Variants in SPAG4 observed in about 807,000 individuals in gnomAD.
The protein encoded by SPAG4 is sperm-associated antigen 4 protein.
In SPAG4, 54 loss-of-function variants were observed where a neutral mutation model predicts 53.9. The observed-to-expected ratio is 1.00, with a 90% CI of 0.80 to 1.26. The LOEUF is 1.26. Ranked by LOEUF, SPAG4 falls within the 50% of genes most tolerant of loss-of-function variation. The probability of loss-of-function intolerance (pLI) is 0.00; values close to 1 mark genes in which losing one functional copy is unlikely to be tolerated. For missense variants in SPAG4, 548 were observed against 568.6 expected, an observed-to-expected ratio of 0.96 and a Z score of 0.37; for synonymous variants, 246 against 237.4, an observed-to-expected ratio of 1.04 and a Z score of -0.33.
At position 35,618,564 on chromosome 20, in the gene SPAG4, C is replaced by CCAGGGGGA. The variant is rs781551453; in HGVS notation, c.609-42_609-35dup. 4 of 1,599,146 alleles carry CCAGGGGGA rather than the reference C, an allele frequency of 2.5e-6. No homozygotes were observed. The South Asian group carries it at 4.5e-5, about 18-fold the overall frequency. On this transcript the variant is annotated intron_variant, in intron 6 of 11. Transcript: ENST00000374273. Reference sequence around the variant, plus strand: ...AGGCGTGGGGGCCTTTGGGAGGTGTCCAGGGGGACAGGGAGCCAACCCCAC... The same window carrying CCAGGGGGA: ...AGGCGTGGGGGCCTTTGGGAGGTGTCCAGGGGGACAGGGGGACAGGGAGCCAACCCCAC...
intron 9 of SPAG4, 33 bp from the exon 10 acceptor site, chr20:35,619,546 G>C (rs752729873): frequency 6.2e-6 from 10 of 1,603,282 alleles, no homozygotes; most frequent in South Asian, 5.5e-5. Flanking sequence ...CGCTCTGTCC[G>C]ACGGTTCCGA....
chr20:35,618,573 C>T, intron 6 of SPAG4, 39 bp from the exon 7 acceptor site: 1 of 1,595,740 alleles, frequency 6.3e-7, no homozygotes. Flanking sequence ...TCCAGGGGGA[C>T]AGGGAGCCAA....
Position 35,618,977 on chromosome 20 carries a change from G to C in SPAG4, c.772G>C (p.Asp258His), listed in dbSNP as rs753644797. ...GAATGAGGATTTTGTGCGGAAGCCCGACTATGCTTTGAGCTCTGTGGGTAA... is the reference window on the plus strand; with the variant it reads ...GAATGAGGATTTTGTGCGGAAGCCCCACTATGCTTTGAGCTCTGTGGGTAA... Reference protein sequence around the residue: ...RLNEDFVRKPDYALSSVGASI... With the variant: ...RLNEDFVRKPHYALSSVGASI... Residue 258 changes from aspartate (D) to histidine (H), a missense_variant, in exon 8 of 12, where the codon GAC becomes CAC. Physicochemically the swap from Asp to His is moderately conservative, Grantham distance 81. Transcript: ENST00000374273. The C allele has an allele frequency of 3.7e-6, 6 of 1,613,968 alleles. No individual in the cohort carries two copies. In the East Asian group the frequency reaches 1.1e-4, roughly 30 times the overall value.
Position 35,616,184 on chromosome 20 carries a change from G to A in SPAG4, c.181G>A (p.Ala61Thr). 2 of 1,591,980 alleles carry A rather than the reference G, an allele frequency of 1.3e-6. No individual in the cohort carries two copies. Among genetic ancestry groups the A allele is most frequent in the Non-Finnish European group, 1.7e-6 (2 of 1,170,692 alleles). Residue 61 changes from alanine to threonine, a missense_variant, in exon 1 of 12, where the codon GCC (alanine) becomes ACC (threonine). Coordinates refer to ENST00000374273, the MANE Select transcript of SPAG4 (RefSeq NM_003116.3). ...CCGGGGCCCGAGCTGCGGTGAGCCC[G>A]CCTTGAGCGCGGGAGTGCCCGGAGG... ...RARGPSCGEP[A>T]LSAGVPGGTT...
At chr20:35,620,096 G>A (rs1001619666) in intron 10 of SPAG4, among the ~76,000 whole-genome samples, 5 of 151,972 alleles carry the variant, frequency 3.3e-5, no homozygotes, top group South Asian at 2.1e-4. Context: ...TCATCCTCCC[G>A]AGTAGCTGGA....
rs1389079234 is a variant in SPAG4, at chr20:35,620,922, GC to G, written c.1215del (p.Ser405ArgfsTer46). On this transcript the variant is annotated frameshift_variant, in exon 12 of 12. Coordinates refer to ENST00000374273, the MANE Select transcript of SPAG4 (RefSeq NM_003116.3). LOFTEE classifies it high-confidence loss of function. ...CCCAAGGTGAAGATCCAGATTCTAA[GC>G]AACTGGGGCCACCCCCGTTTCACGT... ...AFPKVKIQIL[S>X]NWGHPRFTCL... The G allele has an allele frequency of 6.2e-7, 1 of 1,614,092 alleles. No homozygotes were observed. Among genetic ancestry groups the G allele is most frequent in the African/African-American group, 1.3e-5 (1 of 74,924 alleles).
chr20:35,619,049 A>G, intron 8 of SPAG4, 51 bp downstream of exon 8: 1 of 1,536,418 alleles, frequency 6.5e-7, no homozygotes, highest in East Asian at 2.2e-5. Context: ...AAAGAGGCCA[A>G]GACACTGACA....
At chr20:35,618,409 G>C (rs1486927206) in intron 5 of SPAG4, 41 bp from the exon 6 acceptor site, 1 of 1,613,354 alleles carries the variant, frequency 6.2e-7, no homozygotes, top group South Asian at 1.1e-5. Context: ...CAAGGACGAC[G>C]GGAGCTGAGC....
At chr20:35,617,862 G>A in intron 4 of SPAG4, 22 bp downstream of exon 4, 1 of 1,612,160 alleles carries the variant, frequency 6.2e-7, no homozygotes, top group Non-Finnish European at 8.5e-7. Context: ...TGAATTCCCT[G>A]GAGCCCCTGC....
chr20:35,619,053 A>G (rs2031483853), intron 8 of SPAG4, 55 bp downstream of exon 8: 2 of 1,517,838 alleles, frequency 1.3e-6, no homozygotes, highest in Admixed American at 3.3e-5. Flanking sequence ...AGGCCAAGAC[A>G]CTGACACAGA....
chr20:35,616,944 T>A, intron 1 of SPAG4, 192 bp from the exon 2 acceptor site: 1 of 583,996 alleles, frequency 1.7e-6, no homozygotes, highest in South Asian at 2.0e-5. Flanking sequence ...GACCAACTCT[T>A]GACGGAGCCT....
intron 8 of SPAG4, 79 bp downstream of exon 8, chr20:35,619,077 C>T (rs2036374210): frequency 1.4e-6 from 2 of 1,480,138 alleles, no homozygotes; most frequent in Non-Finnish European, 1.9e-6. Context: ...ACCCATGCAC[C>T]TGACCGGCCG....
intron 10 of SPAG4, 58 bp from the exon 11 acceptor site, chr20:35,620,626 G>GCCCCCCCCCC (rs10668654): frequency 3.6e-6 from 1 of 278,378 alleles, no homozygotes; most frequent in South Asian, 3.1e-5. Flanking sequence ...TCTTCTCCCC[G>GCCCCCCCCCC]CCCCCCCCGC....
chr20:35,618,975 C>T lies in SPAG4; in HGVS notation c.770C>T (p.Pro257Leu), dbSNP rs763861637. 9 of 1,614,174 alleles carry T rather than the reference C, an allele frequency of 5.6e-6. No individual in the cohort carries two copies. Among genetic ancestry groups the T allele is most frequent in the Non-Finnish European group, 6.8e-6 (8 of 1,179,984 alleles). ...CTGAATGAGGATTTTGTGCGGAAGC[C>T]CGACTATGCTTTGAGCTCTGTGGGT... Reference protein sequence around the residue: ...QRLNEDFVRKPDYALSSVGAS... With the variant: ...QRLNEDFVRKLDYALSSVGAS... Residue 257 changes from proline to leucine, a missense_variant, in exon 8 of 12, where the codon CCC becomes CTC. Transcript: ENST00000374273.
rs2031489570 is a variant in SPAG4 at position 35,619,144 on chromosome 20, GA to G, written c.794-50del. On this transcript the variant is annotated intron_variant, in intron 8 of 11. Coordinates refer to ENST00000374273, the MANE Select transcript of SPAG4 (RefSeq NM_003116.3). ...CCCAGCCCCCGCGCCCCCGCGCCCC[GA>G]CTCCCGGCAAGGCCTGGGAGCCTCT... 2.3e-5 allele frequency: 7 copies of G among 308,522 alleles called. No homozygotes were observed. In the African/African-American group the frequency reaches 3.1e-4, roughly 14 times the overall value. The allele number at this position is 308,522 out of a possible 1,614,324, so 19.1% of individuals were successfully genotyped here.
rs1251233202 is a variant in SPAG4, at chr20:35,619,595, G to A, written c.926G>A (p.Gly309Glu). 3.1e-6 allele frequency: 5 copies of A among 1,613,708 alleles called. No homozygotes were observed. Among genetic ancestry groups the A allele is most frequent in the Non-Finnish European group, 4.2e-6 (5 of 1,179,780 alleles). Residue 309 changes from glycine (G) to glutamate (E), a missense_variant, in exon 10 of 12, where the codon GGG becomes GAG. Coordinates refer to ENST00000374273, the MANE Select transcript of SPAG4 (RefSeq NM_003116.3). ...CGCCTGCAGCCCCACGTGTTCCCTG[G>A]GAATTGCTGGGCTTTTGAAGGCGAC... ...TVILEPHVFPGNCWAFEGDQG... is the reference protein window; with the variant it reads ...TVILEPHVFPENCWAFEGDQG...
Position 35,619,299 on chromosome 20 carries a change from G to A in SPAG4, c.898G>A (p.Val300Ile), listed in dbSNP as rs2031495897. The A allele has an allele frequency of 1.2e-6, 2 of 1,613,882 alleles. No homozygotes were observed. The highest frequency in any genetic ancestry group is 1.7e-6 in the Non-Finnish European group (2 of 1,179,756). ...CTGGAACTACGCACGGCCGCCCACGGTTATCCTGGAGGTGAGTCTGGAAAC... is the reference window on the plus strand; with the variant it reads ...CTGGAACTACGCACGGCCGCCCACGATTATCCTGGAGGTGAGTCTGGAAAC... Reference protein sequence around the residue: ...SFWNYARPPTVILEPHVFPGN... With the variant: ...SFWNYARPPTIILEPHVFPGN... Residue 300 changes from valine (V) to isoleucine (I), a missense_variant, in exon 9 of 12, where the codon GTT (valine) becomes ATT (isoleucine). Coordinates refer to ENST00000374273, the MANE Select transcript of SPAG4 (RefSeq NM_003116.3).
At chr20:35,618,042 A>G (rs1288861916) in intron 4 of SPAG4, 45 bp from the exon 5 acceptor site, 2 of 1,600,340 alleles carry the variant, frequency 1.2e-6, no homozygotes, top group African/African-American at 1.3e-5. Context: ...GGGGAAACCC[A>G]TTCTCTTCCT....
chr20:35,619,603 T>C lies in SPAG4; in HGVS notation c.934T>C (p.Trp312Arg). 1 of 1,613,906 alleles carries C rather than the reference T, an allele frequency of 6.2e-7. No homozygotes were observed. The highest frequency in any genetic ancestry group is 8.5e-7 in the Non-Finnish European group (1 of 1,179,896). The change falls in exon 10 of 12, where the codon TGG (tryptophan) becomes CGG (arginine). Residue 312 changes from tryptophan to arginine, a missense_variant. Coordinates refer to ENST00000374273, the MANE Select transcript of SPAG4 (RefSeq NM_003116.3). ...GCCCCACGTGTTCCCTGGGAATTGC[T>C]GGGCTTTTGAAGGCGACCAAGGCCA... ...LEPHVFPGNC[W>R]AFEGDQGQVV...
Sources: gnomAD v4.1 joint callset for allele counts (sites outside exome capture counted in the v4.1 genomes callset) on GRCh38, gnomAD v4.1.1 for gene constraint, MANE v1.5 for transcripts, NCBI Gene and HGNC (gene_info 2026-07-23, HGNC 2026-07-21) for gene names.